The following POU6F2 variants were observed in gnomAD, a reference collection of about 807,000 sequenced individuals.
The protein encoded by POU6F2 is POU domain, class 6, transcription factor 2.
POU6F2 carries 31 observed loss-of-function variants against 71.3 expected under a neutral mutation model. The ratio of observed to expected loss-of-function variants is 0.43; its 90% CI spans 0.33 to 0.59. The LOEUF (loss-of-function observed/expected upper bound fraction) is 0.59, where lower values mean the gene tolerates loss of function less well. Among genes scored for constraint, POU6F2 ranks in the 20% least tolerant of loss-of-function variants. POU6F2 has a pLI of 0.04. For synonymous variants in POU6F2, 347 were observed against 355.7 expected, an observed-to-expected ratio of 0.98 and a Z score of 0.27; for missense variants, 783 against 856.8, an observed-to-expected ratio of 0.91 and a Z score of 1.07.
chr7:39,168,300 A>G (rs1793153345), intron 2 of POU6F2, among the ~76,000 whole-genome samples: 1 of 152,216 alleles, frequency 6.6e-6, no homozygotes, highest in Non-Finnish European at 1.5e-5. Flanking sequence ...CAGCATCATG[A>G]CAACCATATG....
intron 4 of POU6F2, among the ~76,000 whole-genome samples, chr7:39,220,356 T>C (rs778580525): frequency 4.6e-5 from 7 of 152,334 alleles, no homozygotes; most frequent in Non-Finnish European, 8.8e-5. Flanking sequence ...TCTCTTTCTT[T>C]TGCAACTTGA....
At chr7:39,412,777 C>CTTTTTTT in intron 6 of POU6F2, among the ~76,000 whole-genome samples, 2 of 37,248 alleles carry the variant, frequency 5.4e-5, no homozygotes, top group Non-Finnish European at 1.3e-4. Flanking sequence ...AGTTTTCTTG[C>CTTTTTTT]CTTTTTTTTT....
chr7:39,203,501 C>T (rs1479542700), intron 2 of POU6F2, among the ~76,000 whole-genome samples: 2 of 152,172 alleles, frequency 1.3e-5, no homozygotes, highest in Non-Finnish European at 2.9e-5. Flanking sequence ...AAACAAAGCA[C>T]AGAAACACAC....
intron 4 of POU6F2, among the ~76,000 whole-genome samples, chr7:39,277,447 C>T (rs142555140): frequency 7.0e-4 from 107 of 152,212 alleles, no homozygotes; most frequent in African/African-American, 2.1e-3. Flanking sequence ...TTGTTCCCAT[C>T]TTTATGTCCA....
At chr7:39,276,864 G>T (rs1784450135) in intron 4 of POU6F2, among the ~76,000 whole-genome samples, 1 of 148,074 alleles carries the variant, frequency 6.8e-6, no homozygotes. Flanking sequence ...AGAACACATG[G>T]ACACAGGAAG....
At chr7:39,018,806 G>T (rs137922470) in intron 1 of POU6F2, among the ~76,000 whole-genome samples, 30 of 152,242 alleles carry the variant, frequency 2.0e-4, no homozygotes, top group African/African-American at 6.5e-4. Flanking sequence ...AGTTGAAAGT[G>T]GGAGGAATGG....
At position 39,451,561 on chromosome 7, in the gene POU6F2, G is replaced by C; in HGVS notation, c.1349G>C (p.Gly450Ala). Residue 450 changes from glycine (G) to alanine (A), a missense_variant, in exon 8 of 10, where the codon GGT (glycine) becomes GCT (alanine). Physicochemically the swap from Gly to Ala is moderately conservative, Grantham distance 60. This residue lies in a region of POU6F2 where 572 missense variants were observed against 572.9 expected (regional missense o/e 1.00). Transcript: ENST00000518318. ...QLHQPSQTSV[G>A]QAASQGNLLH... ...CACCAACCCTCCCAGACGTCAGTGG[G>C]TCAAGCAGCCTCCCAAGGCAACCTT... 1 of 1,613,636 alleles carries C rather than the reference G, an allele frequency of 6.2e-7. No homozygotes were observed. The highest frequency in any genetic ancestry group is 8.5e-7 in the Non-Finnish European group (1 of 1,179,758).
intron 6 of POU6F2, among the ~76,000 whole-genome samples, chr7:39,429,761 C>T: frequency 6.6e-6 from 1 of 152,224 alleles, no homozygotes; most frequent in East Asian, 1.9e-4. Flanking sequence ...GGAAGTCAAA[C>T]TCCAAAAGCA....
chr7:39,006,722 C>T (rs1398171947), intron 1 of POU6F2: 25 of 913,700 alleles, frequency 2.7e-5, no homozygotes, highest in Non-Finnish European at 4.1e-5. Context: ...TTTGCAATGT[C>T]ATCATTTAAA....
intron 1 of POU6F2, among the ~76,000 whole-genome samples, chr7:38,982,239 G>C (rs1227935170): frequency 6.6e-6 from 1 of 152,016 alleles, no homozygotes; most frequent in African/African-American, 2.4e-5. Context: ...GTGAATGCCT[G>C]TATTTTTGAA....
chr7:39,178,091 T>C (rs1434951352), intron 2 of POU6F2, among the ~76,000 whole-genome samples: 5 of 151,978 alleles, frequency 3.3e-5, no homozygotes, highest in African/African-American at 1.2e-4. Context: ...CCGTCTCTAC[T>C]AAAAATACAA....
At chr7:39,252,630 G>A (rs915740707) in intron 4 of POU6F2, among the ~76,000 whole-genome samples, 2 of 152,152 alleles carry the variant, frequency 1.3e-5, no homozygotes, top group African/African-American at 4.8e-5. Context: ...TGCAGAGGTT[G>A]AACATTTGTG....
At chr7:39,228,070 A>G (rs911632702) in intron 4 of POU6F2, among the ~76,000 whole-genome samples, 3 of 152,200 alleles carry the variant, frequency 2.0e-5, no homozygotes, top group Non-Finnish European at 2.9e-5. Flanking sequence ...CAGCTTTTAC[A>G]TTCTAGGAAT....
chr7:39,433,468 A>T (rs1175441607), intron 7 of POU6F2, among the ~76,000 whole-genome samples, 185 bp downstream of exon 7: 1 of 152,232 alleles, frequency 6.6e-6, no homozygotes, highest in Non-Finnish European at 1.5e-5. Flanking sequence ...TATGGGTGAT[A>T]ACTAAATACC....
intron 1 of POU6F2, among the ~76,000 whole-genome samples, chr7:38,993,764 T>C (rs1473687981): frequency 6.6e-6 from 1 of 152,132 alleles, no homozygotes; most frequent in African/African-American, 2.4e-5. Flanking sequence ...TGCATCAACG[T>C]AGCATTCCGT....
chr7:39,404,260 A>T (rs1004827707), intron 5 of POU6F2, among the ~76,000 whole-genome samples: 30 of 152,220 alleles, frequency 2.0e-4, no homozygotes, highest in African/African-American at 6.8e-4. Context: ...TTGTATTCAG[A>T]ATAATTGTTT....
At chr7:39,411,593 A>G (rs1456236387) in intron 6 of POU6F2, among the ~76,000 whole-genome samples, 1 of 152,206 alleles carries the variant, frequency 6.6e-6, no homozygotes, top group African/African-American at 2.4e-5. Context: ...AAAAGTAAAG[A>G]GACTTACCTA....
intron 2 of POU6F2, among the ~76,000 whole-genome samples, chr7:39,153,411 A>G (rs926405581): frequency 5.3e-5 from 8 of 152,138 alleles, no homozygotes; most frequent in Non-Finnish European, 1.2e-4. Flanking sequence ...TGATTTTGCT[A>G]CACAATACGA....
At chr7:39,123,948 A>C (rs930701793) in intron 2 of POU6F2, among the ~76,000 whole-genome samples, 1 of 152,064 alleles carries the variant, frequency 6.6e-6, no homozygotes, top group African/African-American at 2.4e-5. Context: ...TGCAATATAA[A>C]TTGCATACCA....
Sources: allele counts gnomAD v4.1 joint callset (sites outside exome capture counted in the v4.1 genomes callset), GRCh38; gene constraint gnomAD v4.1.1; regional missense constraint gnomAD v4.1.1; transcripts MANE v1.5; gene names NCBI Gene and HGNC (gene_info 2026-07-23, HGNC 2026-07-21).